DGLUCY: variants seen among roughly 807,000 people sequenced by gnomAD.
DGLUCY encodes D-glutamate cyclase, also known as D-glutamate cyclase, mitochondrial.
Under a neutral mutation model 58.5 loss-of-function variants are expected in DGLUCY, and 58 were observed. The observed-to-expected ratio is 0.99, with a 90% CI of 0.80 to 1.23. DGLUCY has a LOEUF of 1.23. DGLUCY is among the 50% of genes most tolerant of loss of function. The pLI is 0.00. For synonymous variants in DGLUCY, 325 were observed against 314.1 expected (o/e 1.03, Z -0.37); for missense variants, 779 against 784.7 (o/e 0.99, Z 0.09).
intron 13 of DGLUCY, among the ~76,000 whole-genome samples, chr14:91,216,645 C>CAA (rs71120125): frequency 0.018 from 2,465 of 137,398 alleles, 31 homozygotes; most frequent in African/African-American, 0.033. Flanking sequence ...GACCCTGTCT[C>CAA]AAAAAAAAAA....
intron 5 of DGLUCY, among the ~76,000 whole-genome samples, chr14:91,172,580 ATAG>A (rs145411478): frequency 0.013 from 1,916 of 152,240 alleles, 51 homozygotes; most frequent in African/African-American, 0.044. Context: ...AGTTACAATG[ATAG>A]TAGAACTGGC....
chr14:91,119,583 G>A (rs1595678510), intron 1 of DGLUCY, among the ~76,000 whole-genome samples: 1 of 151,998 alleles, frequency 6.6e-6, no homozygotes, highest in Non-Finnish European at 1.5e-5. Context: ...TATCCTCTGG[G>A]TCTCTGTGTT....
chr14:91,120,399 AATTATT>A lies in DGLUCY; in HGVS notation c.-82+6126_-82+6131del, dbSNP rs1171285028. ...CCATCCCAGGAAAAAGAAATCTGATAATTATTATTATTATTGTTTTTTGAGATGGAG... is the reference window on the plus strand; with the variant it reads ...CCATCCCAGGAAAAAGAAATCTGATAATTATTATTGTTTTTTGAGATGGAG... On this transcript the variant is annotated intron_variant, in intron 1 of 13. Coordinates refer to ENST00000256324, the MANE Select transcript of DGLUCY (RefSeq NM_001102368.3). Among the ~76,000 whole-genome samples, 4 of 151,980 alleles carry A rather than the reference AATTATT, an allele frequency of 2.6e-5. No individual in the cohort carries two copies. In the South Asian group the frequency reaches 6.2e-4, roughly 24 times the overall value.
chr14:91,212,642 C>G (rs1885865194), intron 12 of DGLUCY, among the ~76,000 whole-genome samples: 1 of 152,018 alleles, frequency 6.6e-6, no homozygotes, highest in Non-Finnish European at 1.5e-5. Flanking sequence ...TTCCAGGTTA[C>G]AGTGAGCTAT....
intron 1 of DGLUCY, among the ~76,000 whole-genome samples, chr14:91,100,145 C>A (rs770559791): frequency 6.6e-6 from 1 of 151,788 alleles, no homozygotes; most frequent in South Asian, 2.1e-4. Context: ...TTTGATGAGC[C>A]CAAGTTCAAT....
chr14:91,109,657 C>T (rs756580809), upstream of DGLUCY, among the ~76,000 whole-genome samples: 1 of 152,112 alleles, frequency 6.6e-6, no homozygotes. Flanking sequence ...ACTATGTGCT[C>T]ACAGGGCAGA....
chr14:91,070,222 T>C (rs1377403542), intron 1 of DGLUCY, among the ~76,000 whole-genome samples: 1 of 152,084 alleles, frequency 6.6e-6, no homozygotes, highest in Non-Finnish European at 1.5e-5. Flanking sequence ...TGACCTGCCC[T>C]CCAAGCCAAA....
chr14:91,102,685 G>C (rs2044508077), intron 1 of DGLUCY, among the ~76,000 whole-genome samples: 1 of 150,302 alleles, frequency 6.7e-6, no homozygotes, highest in South Asian at 2.1e-4. Context: ...TGCTCTAGCA[G>C]ATTTGTGCAT....
intron 12 of DGLUCY, among the ~76,000 whole-genome samples, chr14:91,213,490 T>C (rs1014181127): frequency 6.6e-6 from 1 of 152,184 alleles, no homozygotes; most frequent in African/African-American, 2.4e-5. Context: ...TACATACTAC[T>C]AAGAAAGGAA....
chr14:91,134,181 A>G (rs2046193515), intron 1 of DGLUCY, among the ~76,000 whole-genome samples: 2 of 152,178 alleles, frequency 1.3e-5, no homozygotes, highest in Admixed American at 6.6e-5. Flanking sequence ...CAGCGTGTTC[A>G]GTTCCTTTTT....
exon 1 of DGLUCY, chr14:91,060,464 G>A (rs375495496): frequency 2.1e-6 from 3 of 1,399,118 alleles, no homozygotes; most frequent in Admixed American, 2.5e-5. Context: ...CCCGCGGGTC[G>A]CTACGAGGGG....
chr14:91,120,867 T>TA (rs745370584), intron 1 of DGLUCY, among the ~76,000 whole-genome samples: 1 of 152,222 alleles, frequency 6.6e-6, no homozygotes, highest in African/African-American at 2.4e-5. Flanking sequence ...CTCAAATACT[T>TA]ACGACAGAGG....
intron 7 of DGLUCY, among the ~76,000 whole-genome samples, 175 bp downstream of exon 7, chr14:91,176,231 A>AT (rs1443920399): frequency 1.2e-4 from 18 of 151,964 alleles, no homozygotes; most frequent in African/African-American, 4.4e-4. Context: ...TCTTTTATTT[A>AT]TTTATTTTTT....
At chr14:91,144,082 A>C (rs909837083) in intron 1 of DGLUCY, among the ~76,000 whole-genome samples, 1 of 152,188 alleles carries the variant, frequency 6.6e-6, no homozygotes, top group African/African-American at 2.4e-5. Context: ...CTTGGGTCCA[A>C]GAATAACATA....
At chr14:91,119,450 G>C (rs1039726396) in intron 1 of DGLUCY, among the ~76,000 whole-genome samples, 1 of 152,132 alleles carries the variant, frequency 6.6e-6, no homozygotes, top group Non-Finnish European at 1.5e-5. Flanking sequence ...GTACCACTGT[G>C]CTCCCATACC....
At chr14:91,112,973 G>A (rs1257736579), upstream of DGLUCY, among the ~76,000 whole-genome samples, 1 of 129,652 alleles carries the variant, frequency 7.7e-6, no homozygotes, top group African/African-American at 3.0e-5. Flanking sequence ...CTCCCAGCCT[G>A]GGCAACAGAG....
rs191167393 is a variant in DGLUCY, at chr14:91,160,509, G to C, written c.103+112G>C. 527 of 734,214 alleles carry C rather than the reference G, an allele frequency of 7.2e-4. No homozygotes were observed. The African/African-American group carries it at 8.0e-3, about 11-fold the overall frequency. 45.5% of individuals were successfully genotyped at this position (734,214 alleles called of 1,614,324 possible). ...CCTAAGACTTCTAGATTCTGCATAGGAAACAGAAAGTAAGAGCAGAATGAT... is the reference window on the plus strand; with the variant it reads ...CCTAAGACTTCTAGATTCTGCATAGCAAACAGAAAGTAAGAGCAGAATGAT... On this transcript the variant is annotated intron_variant, in intron 3 of 13. Transcript: ENST00000256324.
At chr14:91,092,097 G>A (rs2140067496) in intron 1 of DGLUCY, among the ~76,000 whole-genome samples, 1 of 152,240 alleles carries the variant, frequency 6.6e-6, no homozygotes, top group Non-Finnish European at 1.5e-5. Context: ...ACATGCCTAT[G>A]CTTCAAGCCA....
At chr14:91,190,844 G>A (rs1362066288) in intron 9 of DGLUCY, among the ~76,000 whole-genome samples, 2 of 152,194 alleles carry the variant, frequency 1.3e-5, no homozygotes, top group Non-Finnish European at 2.9e-5. Context: ...GTCAGGGACA[G>A]CCATGTTCTG....
Sources: gnomAD v4.1 joint callset for allele counts (sites outside exome capture counted in the v4.1 genomes callset) on GRCh38, gnomAD v4.1.1 for gene constraint, MANE v1.5 for transcripts, NCBI Gene and HGNC (gene_info 2026-07-23, HGNC 2026-07-21) for gene names.